Variants in ITPK1 observed in about 807,000 individuals in gnomAD.
ITPK1 encodes the protein inositol 1,3,4-trisphosphate 5/6-kinase.
In ITPK1, 21 loss-of-function variants were observed where a neutral mutation model predicts 45.3. That is an observed-to-expected ratio of 0.46 (90% confidence interval 0.33 to 0.67). The LOEUF (loss-of-function observed/expected upper bound fraction) is 0.67, where lower values mean the gene tolerates loss of function less well. ITPK1 is among the 30% of genes least tolerant of loss of function. The pLI is 0.02. For synonymous variants in ITPK1, 258 were observed against 253.6 expected (o/e 1.02, Z -0.16); for missense variants, 474 against 573.5 (o/e 0.83, Z 1.77).
At chr14:92,952,518 G>A (rs1422074476) in intron 8 of ITPK1, among the ~76,000 whole-genome samples, 1 of 122,422 alleles carries the variant, frequency 8.2e-6, no homozygotes, top group Non-Finnish European at 1.9e-5. Context: ...AAAGGGTTCT[G>A]GTGGTTCTTA....
At chr14:92,968,093 G>A (rs1270711393) in intron 5 of ITPK1, among the ~76,000 whole-genome samples, 1 of 152,180 alleles carries the variant, frequency 6.6e-6, no homozygotes, top group African/African-American at 2.4e-5. Flanking sequence ...ACTTTGGGAG[G>A]CCGAGGTGGG....
intron 5 of ITPK1, among the ~76,000 whole-genome samples, chr14:92,985,666 C>A (rs1886454653): frequency 6.6e-6 from 1 of 151,922 alleles, no homozygotes; most frequent in South Asian, 2.1e-4. Context: ...CAGAGGGGAG[C>A]AAATGCCTGG....
chr14:93,075,816 G>A (rs889936578), intron 3 of ITPK1, among the ~76,000 whole-genome samples: 2 of 152,114 alleles, frequency 1.3e-5, no homozygotes, highest in Admixed American at 1.3e-4. Context: ...GGCAGATGAG[G>A]CCCGTAAGAC....
At position 93,014,588 on chromosome 14, in the gene ITPK1, G is replaced by A. The variant is rs557350890; in HGVS notation, c.246+2088C>T. ...GAACTGAGGCTGTGGGGAGGCACGC[G>A]GTTCCTAAGTTTTGGAACAAGGATC... On this transcript the variant is annotated intron_variant, in intron 4 of 10. Transcript: ENST00000267615. This position sits in a 1 kb window ranked among gnomAD's most constrained non-coding sequence, Gnocchi z 4.4. Among the ~76,000 whole-genome samples the A allele has an allele frequency of 3.9e-5, 6 of 152,244 alleles. No homozygotes were observed. Among genetic ancestry groups the A allele is most frequent in the South Asian group, 2.1e-4 (1 of 4,818 alleles).
At chr14:92,946,615 C>G (rs1475631555) in intron 9 of ITPK1, 122 bp from the exon 10 acceptor site, 18 of 989,014 alleles carry the variant, frequency 1.8e-5, no homozygotes, top group Non-Finnish European at 2.7e-5. Context: ...GGAAGCCAGA[C>G]AGACCTACTG....
chr14:92,997,364 C>T (rs937103595), intron 4 of ITPK1, among the ~76,000 whole-genome samples: 1 of 152,160 alleles, frequency 6.6e-6, no homozygotes, highest in Admixed American at 6.5e-5. Context: ...TGAGGGAAAG[C>T]GGCTACATGA....
At chr14:93,044,641 C>T (rs931995534) in intron 3 of ITPK1, among the ~76,000 whole-genome samples, 2 of 152,156 alleles carry the variant, frequency 1.3e-5, no homozygotes, top group Admixed American at 6.5e-5. Context: ...ACCAATGTGG[C>T]GACAACCATC....
intron 2 of ITPK1, among the ~76,000 whole-genome samples, chr14:93,090,150 C>G (rs909622644): frequency 6.6e-6 from 1 of 151,984 alleles, no homozygotes; most frequent in African/African-American, 2.4e-5. Flanking sequence ...ACTTGGGCCT[C>G]TGCAGCAGGT....
At chr14:92,957,412 T>C (rs1338411802) in intron 8 of ITPK1, among the ~76,000 whole-genome samples, 6 of 152,178 alleles carry the variant, frequency 3.9e-5, no homozygotes, top group Non-Finnish European at 8.8e-5. Flanking sequence ...AGAACATCCT[T>C]TCGAGCAGCT....
intron 5 of ITPK1, among the ~76,000 whole-genome samples, chr14:92,979,912 C>T (rs142853215): frequency 6.6e-6 from 1 of 151,822 alleles, no homozygotes; most frequent in Non-Finnish European, 1.5e-5. Context: ...TCCTAAGTAG[C>T]TGTGATTACA....
chr14:93,039,266 C>A (rs770269219), intron 3 of ITPK1, among the ~76,000 whole-genome samples: 5 of 152,204 alleles, frequency 3.3e-5, no homozygotes, highest in Non-Finnish European at 7.3e-5. Context: ...CCCAGAAACA[C>A]CCCCCACCTC....
intron 3 of ITPK1, among the ~76,000 whole-genome samples, chr14:93,052,152 G>A (rs1228950646): frequency 6.6e-6 from 1 of 152,162 alleles, no homozygotes; most frequent in African/African-American, 2.4e-5. Flanking sequence ...TGTGACCATG[G>A]GCAAGTTATT....
At chr14:93,002,511 A>T (rs1887403138) in intron 4 of ITPK1, among the ~76,000 whole-genome samples, 1 of 152,108 alleles carries the variant, frequency 6.6e-6, no homozygotes. Context: ...AATGAAAAGC[A>T]TCTCAACTCT....
At chr14:93,101,806 C>T (rs1376058785) in intron 2 of ITPK1, among the ~76,000 whole-genome samples, 3 of 152,160 alleles carry the variant, frequency 2.0e-5, no homozygotes, top group Non-Finnish European at 4.4e-5. Flanking sequence ...CCTGAGATCG[C>T]GGCACTGTGC....
chr14:92,949,727 C>T (rs1369652588), intron 9 of ITPK1, among the ~76,000 whole-genome samples: 1 of 152,260 alleles, frequency 6.6e-6, no homozygotes, highest in Non-Finnish European at 1.5e-5. Context: ...TGCCACACGC[C>T]CCATGGCACG....
chr14:92,946,694 G>A (rs959534745), intron 9 of ITPK1, among the ~76,000 whole-genome samples: 22 of 152,254 alleles, frequency 1.4e-4, no homozygotes, highest in African/African-American at 5.3e-4. Context: ...GGTGTGTGAG[G>A]CTCATTACCT....
intron 5 of ITPK1, among the ~76,000 whole-genome samples, chr14:92,969,906 A>G (rs558976995): frequency 5.3e-5 from 8 of 152,220 alleles, no homozygotes; most frequent in African/African-American, 1.7e-4. Flanking sequence ...TGCCTTTCCA[A>G]ATCAGACACC....
intron 2 of ITPK1, among the ~76,000 whole-genome samples, chr14:93,078,988 C>G (rs1203451126): frequency 6.6e-6 from 1 of 152,124 alleles, no homozygotes; most frequent in Non-Finnish European, 1.5e-5. Flanking sequence ...CCACTGGGCT[C>G]TGGGCCAGGG....
In ITPK1 at chr14:92,938,672, C is replaced by CA; in HGVS notation, c.*2888dup. On this transcript the variant is annotated 3_prime_UTR_variant, in exon 11 of 11. Transcript: ENST00000267615. ...TCCCGCCGGCCATGCTGGGTGACTG[C>CA]AGGCCCAGCCCACCCACCACGTGTG... The CA allele has an allele frequency of 1.5e-6, 1 of 673,106 alleles. No homozygotes were observed. The highest frequency in any genetic ancestry group is 2.7e-6 in the Non-Finnish European group (1 of 372,832). 41.7% of individuals were successfully genotyped at this position (673,106 alleles called of 1,614,324 possible).
Sources: allele counts gnomAD v4.1 joint callset (sites outside exome capture counted in the v4.1 genomes callset), GRCh38; gene constraint gnomAD v4.1.1; non-coding constraint Gnocchi (gnomAD v3.1); transcripts MANE v1.5; gene names NCBI Gene and HGNC (gene_info 2026-07-23, HGNC 2026-07-21).